The following GCNT2 variants were observed in gnomAD, a reference collection of about 807,000 sequenced individuals.
GCNT2 encodes glucosaminyl (N-acetyl) transferase 2 (I blood group).
In GCNT2, 34 loss-of-function variants were observed where a neutral mutation model predicts 34.2. The ratio of observed to expected loss-of-function variants is 1.00; its 90% CI spans 0.76 to 1.32. The LOEUF (loss-of-function observed/expected upper bound fraction) is 1.32. Among genes scored for constraint, GCNT2 ranks in the 40% most tolerant of loss-of-function variants. The pLI is 0.00. For synonymous variants in GCNT2, 212 were observed against 188.0 expected (o/e 1.13, Z -1.04); for missense variants, 584 against 489.4 (o/e 1.19, Z -1.82).
intron 3 of GCNT2, among the ~76,000 whole-genome samples, chr6:10,587,272 G>A (rs1239609015): frequency 6.6e-6 from 1 of 152,224 alleles, no homozygotes; most frequent in African/African-American, 2.4e-5. Flanking sequence ...AATAGGTGAT[G>A]TTTCTTTCGG....
chr6:10,561,397 G>C (rs1244026491), intron 3 of GCNT2, among the ~76,000 whole-genome samples: 1 of 152,192 alleles, frequency 6.6e-6, no homozygotes, highest in Non-Finnish European at 1.5e-5. Context: ...CCCGACCTCA[G>C]CCGATATGCC....
intron 3 of GCNT2, chr6:10,585,687 G>C: frequency 1.1e-6 from 1 of 922,540 alleles, no homozygotes; most frequent in Non-Finnish European, 1.5e-6. Context: ...AAATGAGGAG[G>C]CTTCCTAGAG....
chr6:10,581,008 T>A (rs1028809078), intron 3 of GCNT2, among the ~76,000 whole-genome samples: 6 of 152,292 alleles, frequency 3.9e-5, no homozygotes, highest in Admixed American at 2.0e-4. Context: ...TTGAGCCAAC[T>A]AGAGTGGGCA....
chr6:10,533,310 A>G (rs1406910853), intron 3 of GCNT2, among the ~76,000 whole-genome samples: 4 of 152,088 alleles, frequency 2.6e-5, no homozygotes, highest in Admixed American at 2.6e-4. Flanking sequence ...CATCTCAGAA[A>G]TAAAAATTTA....
At chr6:10,564,569 C>T (rs1200831157) in intron 3 of GCNT2, among the ~76,000 whole-genome samples, 1 of 152,180 alleles carries the variant, frequency 6.6e-6, no homozygotes, top group Non-Finnish European at 1.5e-5. Context: ...CTTAGCATTG[C>T]AATATGGCAC....
At chr6:10,605,228 T>C (rs1181103044) in intron 3 of GCNT2, among the ~76,000 whole-genome samples, 2 of 147,826 alleles carry the variant, frequency 1.4e-5, no homozygotes, top group East Asian at 4.0e-4. Context: ...TTTTTTTTTT[T>C]TTTTTGAGAC....
intron 3 of GCNT2, among the ~76,000 whole-genome samples, chr6:10,593,250 C>T (rs187809249): frequency 5.8e-4 from 88 of 152,256 alleles, no homozygotes; most frequent in African/African-American, 1.9e-3. Context: ...GCTTTAGAAC[C>T]GGCAAGATCA....
intron 3 of GCNT2, among the ~76,000 whole-genome samples, chr6:10,569,972 C>T (rs1376378162): frequency 1.3e-5 from 2 of 150,224 alleles, no homozygotes; most frequent in East Asian, 3.9e-4. Flanking sequence ...TCCTTTCTTT[C>T]TCTCTTTCTT....
rs1341755273 is a variant in GCNT2, at chr6:10,627,992, C to T, written c.*1385C>T. 1 of 152,520 alleles carries T rather than the reference C, an allele frequency of 6.6e-6. No homozygotes were observed. Among genetic ancestry groups the T allele is most frequent in the East Asian group, 1.9e-4 (1 of 5,190 alleles). 9.4% of individuals were successfully genotyped at this position (152,520 alleles called of 1,614,324 possible). Reference sequence around the variant, plus strand: ...CTTGTGAGGCCCTTATATAATTACTCCCATTTTGCAGATGAAGTAACTGAG... The same window carrying T: ...CTTGTGAGGCCCTTATATAATTACTTCCATTTTGCAGATGAAGTAACTGAG... On this transcript the variant is annotated 3_prime_UTR_variant, in exon 5 of 5. Coordinates refer to ENST00000495262, the MANE Select transcript of GCNT2 (RefSeq NM_145649.5).
At chr6:10,616,599 C>T (rs1360439202) in intron 3 of GCNT2, among the ~76,000 whole-genome samples, 7 of 151,572 alleles carry the variant, frequency 4.6e-5, no homozygotes, top group African/African-American at 9.7e-5. Context: ...TACAGAGTGC[C>T]GATTGCTGCA....
intron 3 of GCNT2, among the ~76,000 whole-genome samples, chr6:10,546,242 A>G (rs1238810901): frequency 6.6e-6 from 1 of 152,168 alleles, no homozygotes; most frequent in East Asian, 1.9e-4. Flanking sequence ...TGTCCATTTT[A>G]TCTACAGGTT....
At chr6:10,611,779 A>C (rs1252441582) in intron 3 of GCNT2, among the ~76,000 whole-genome samples, 2 of 152,220 alleles carry the variant, frequency 1.3e-5, no homozygotes, top group African/African-American at 4.8e-5. Context: ...TCACAAGCAC[A>C]ATTACTAAAT....
intron 2 of GCNT2, among the ~76,000 whole-genome samples, chr6:10,527,982 CTCTG>C (rs951690573): frequency 1.3e-5 from 2 of 152,168 alleles, no homozygotes; most frequent in Non-Finnish European, 2.9e-5. Flanking sequence ...CATCAGGGTT[CTCTG>C]TCTGCATCCT....
chr6:10,534,674 G>T (rs1224722133), intron 3 of GCNT2, among the ~76,000 whole-genome samples: 1 of 151,974 alleles, frequency 6.6e-6, no homozygotes. Flanking sequence ...CAAAGCTTGG[G>T]TAACACAGAT....
chr6:10,552,440 G>T (rs147068679), intron 3 of GCNT2, among the ~76,000 whole-genome samples: 1 of 151,370 alleles, frequency 6.6e-6, no homozygotes, highest in Non-Finnish European at 1.5e-5. Context: ...CCTTGGATTC[G>T]ACCTTGGGCG....
At chr6:10,562,814 C>T (rs575510799) in intron 3 of GCNT2, among the ~76,000 whole-genome samples, 1 of 152,172 alleles carries the variant, frequency 6.6e-6, no homozygotes, top group Non-Finnish European at 1.5e-5. Context: ...GGAGGCTGCT[C>T]AGGGTGACGC....
intron 4 of GCNT2, among the ~76,000 whole-genome samples, chr6:10,626,216 A>C (rs1046282177): frequency 2.0e-5 from 3 of 152,146 alleles, no homozygotes; most frequent in Non-Finnish European, 2.9e-5. Flanking sequence ...ATTTTTTTCA[A>C]ATAACATATT....
At chr6:10,534,539 C>T (rs1194223456) in intron 3 of GCNT2, among the ~76,000 whole-genome samples, 1 of 152,076 alleles carries the variant, frequency 6.6e-6, no homozygotes, top group African/African-American at 2.4e-5. Context: ...ATGAGGATCC[C>T]CGTTCTCATT....
chr6:10,563,170 A>G (rs2127387071), intron 3 of GCNT2, among the ~76,000 whole-genome samples: 1 of 152,200 alleles, frequency 6.6e-6, no homozygotes, highest in African/African-American at 2.4e-5. Context: ...AAATAAACAA[A>G]TAAGCACATC....
Sources: allele counts gnomAD v4.1 joint callset (sites outside exome capture counted in the v4.1 genomes callset), GRCh38; gene constraint gnomAD v4.1.1; transcripts MANE v1.5; gene names NCBI Gene and HGNC (gene_info 2026-07-23, HGNC 2026-07-21).